Variants in RSAD2 observed in about 807,000 individuals in gnomAD.
The protein encoded by RSAD2 is S-adenosylmethionine-dependent nucleotide dehydratase RSAD2.
In RSAD2, 38 loss-of-function variants were observed where a neutral mutation model predicts 37.7. That is an observed-to-expected ratio of 1.01 (90% CI 0.78 to 1.32). The LOEUF is 1.32. Ranked by LOEUF, RSAD2 falls within the 40% of genes most tolerant of loss-of-function variation. The probability of loss-of-function intolerance (pLI) is 0.00; values close to 1 mark genes in which losing one functional copy is unlikely to be tolerated. For synonymous variants in RSAD2, 163 were observed against 157.4 expected, an observed-to-expected ratio of 1.04 and a Z score of -0.27; for missense variants, 428 against 437.5, an observed-to-expected ratio of 0.98 and a Z score of 0.19.
At chr2:6,873,549 A>C (rs1390866243), upstream of RSAD2, among the ~76,000 whole-genome samples, 1 of 152,092 alleles carries the variant, frequency 6.6e-6, no homozygotes, top group Non-Finnish European at 1.5e-5. Context: ...CCTTTGCTTC[A>C]TGTTGTTTTT....
chr2:6,869,130 T>C (rs1663160070), intron 1 of RSAD2, among the ~76,000 whole-genome samples: 1 of 152,118 alleles, frequency 6.6e-6, no homozygotes. Context: ...CACGTCCTGG[T>C]AGTTCACTGC....
chr2:6,885,865 G>A (rs367677938), intron 2 of RSAD2, among the ~76,000 whole-genome samples: 28 of 152,136 alleles, frequency 1.8e-4, no homozygotes, highest in Non-Finnish European at 3.1e-4. Context: ...ATTTATTTGA[G>A]ATCAATTTTT....
intron 1 of RSAD2, among the ~76,000 whole-genome samples, chr2:6,878,567 A>C (rs1663336078): frequency 6.6e-6 from 1 of 152,238 alleles, no homozygotes; most frequent in South Asian, 2.1e-4. Context: ...TGGAAACAAA[A>C]ACAAAAACTT....
rs892422002 is a variant in RSAD2 at position 6,885,341 on chromosome 2, G to A, written c.509-1594G>A. On this transcript the variant is annotated intron_variant, in intron 2 of 5. Coordinates refer to ENST00000382040, the MANE Select transcript of RSAD2 (RefSeq NM_080657.5). ...AGGGCTAGTCATTTATGCACATGCT[G>A]CTATGTAACCAGCTATTGGAACTGA... Among the ~76,000 whole-genome samples, 4 of 152,320 alleles carry A rather than the reference G, an allele frequency of 2.6e-5. No homozygotes were observed. In the South Asian group the frequency reaches 6.2e-4, roughly 24 times the overall value.
At position 6,884,131 on chromosome 2, in the gene RSAD2, C is replaced by T. The variant is rs951596643; in HGVS notation, c.508+599C>T. On this transcript the variant is annotated intron_variant, in intron 2 of 5. Transcript: ENST00000382040. ...TGTCATGTTGGGAAACAGGTATAATCTGTTACAGTACAATTCTCTGTTCTT... is the reference window on the plus strand; with the variant it reads ...TGTCATGTTGGGAAACAGGTATAATTTGTTACAGTACAATTCTCTGTTCTT... 2.6e-5 allele frequency among the ~76,000 whole-genome samples: 4 copies of T among 152,206 alleles called. No homozygotes were observed. The East Asian group carries it at 5.8e-4, about 22-fold the overall frequency.
At chr2:6,865,914 T>C in exon 1 of RSAD2, 2 of 1,403,144 alleles carry the variant, frequency 1.4e-6, no homozygotes, top group African/African-American at 1.5e-5. Flanking sequence ...ATGTGCGCGA[T>C]AAACGGCCGG....
rs1472866330 is a variant in RSAD2 at position 6,890,338 on chromosome 2, A to C, written c.888+13A>C. 4 of 1,613,178 alleles carry C rather than the reference A, an allele frequency of 2.5e-6. No individual in the cohort carries two copies. The highest frequency in any genetic ancestry group is 3.4e-6 in the Non-Finnish European group (4 of 1,179,446). ...ATCTAACCAGAAGGTTGTATAAAGC[A>C]AAAGTTGTTTTCTTTGTCATCATAC... On this transcript the variant is annotated intron_variant, in intron 4 of 5. Coordinates refer to ENST00000382040, the MANE Select transcript of RSAD2 (RefSeq NM_080657.5).
intron 5 of RSAD2, among the ~76,000 whole-genome samples, chr2:6,894,385 C>T (rs1018967466): frequency 3.0e-4 from 46 of 152,200 alleles, no homozygotes; most frequent in Non-Finnish European, 4.1e-4. Context: ...AAATGAGCTC[C>T]AACAACCTTG....
chr2:6,889,303 A>G (rs1329501435), intron 3 of RSAD2, among the ~76,000 whole-genome samples: 3 of 152,268 alleles, frequency 2.0e-5, no homozygotes, highest in East Asian at 1.9e-4. Context: ...GGAAGACACC[A>G]TGAAAGCAAA....
intron 4 of RSAD2, among the ~76,000 whole-genome samples, chr2:6,892,448 T>C (rs1663653184): frequency 6.6e-6 from 1 of 152,198 alleles, no homozygotes; most frequent in Non-Finnish European, 1.5e-5. Flanking sequence ...AGTACCTCCT[T>C]TGTAAGAGGG....
chr2:6,866,892 TAACA>T (rs1191577919), intron 1 of RSAD2, among the ~76,000 whole-genome samples: 2 of 152,160 alleles, frequency 1.3e-5, no homozygotes, highest in East Asian at 1.9e-4. Context: ...AAAAAAGTCT[TAACA>T]AACGTGAAAT....
chr2:6,883,476 G>A lies in RSAD2; in HGVS notation c.452G>A (p.Ser151Asn). The A allele has an allele frequency of 6.2e-7, 1 of 1,614,180 alleles. No individual in the cohort carries two copies. The highest frequency in any genetic ancestry group is 8.5e-7 in the Non-Finnish European group (1 of 1,180,040). Reference protein sequence around the residue: ...RFCKVELRLPSVSIVSNGSLI... With the variant: ...RFCKVELRLPNVSIVSNGSLI... Reference sequence around the variant, plus strand: ...TGCAAAGTAGAGTTGCGGCTGCCCAGCGTGAGCATCGTGAGCAATGGAAGC... The same window carrying A: ...TGCAAAGTAGAGTTGCGGCTGCCCAACGTGAGCATCGTGAGCAATGGAAGC... Residue 151 changes from serine to asparagine, a missense_variant, in exon 2 of 6, where the codon AGC becomes AAC. Ser to Asn is a conservative substitution (Grantham distance 46). Coordinates refer to ENST00000382040, the MANE Select transcript of RSAD2 (RefSeq NM_080657.5).
intron 5 of RSAD2, 109 bp from the exon 6 acceptor site, chr2:6,895,669 C>T: frequency 2.1e-5 from 21 of 991,886 alleles, no homozygotes; most frequent in Non-Finnish European, 2.9e-5. Flanking sequence ...CAAAAGATAC[C>T]TGTCGACATG....
At position 6,878,111 on chromosome 2, in the gene RSAD2, A is replaced by G. The variant is rs376664081; in HGVS notation, c.311A>G (p.Glu104Gly). The change falls in exon 1 of 6, where the codon GAA (glutamate) becomes GGA (glycine). Residue 104 changes from glutamate (E) to glycine (G), a missense_variant. Physicochemically the swap from Glu to Gly is moderately conservative, Grantham distance 98. Coordinates refer to ENST00000382040, the MANE Select transcript of RSAD2 (RefSeq NM_080657.5). ...ACATCCTTTGTGCTGCCCCTTGAGGAAGCAAAGAGAGGATTGCTTTTGCTT... is the reference window on the plus strand; with the variant it reads ...ACATCCTTTGTGCTGCCCCTTGAGGGAGCAAAGAGAGGATTGCTTTTGCTT... ...AKTSFVLPLE[E>G]AKRGLLLLKE... 1 of 1,614,114 alleles carries G rather than the reference A, an allele frequency of 6.2e-7. No homozygotes were observed. The highest frequency in any genetic ancestry group is 8.5e-7 in the Non-Finnish European group (1 of 1,180,008).
intron 2 of RSAD2, among the ~76,000 whole-genome samples, chr2:6,886,129 A>G (rs958303515): frequency 1.3e-5 from 2 of 152,224 alleles, no homozygotes; most frequent in Admixed American, 6.5e-5. Context: ...GAAAACTCAG[A>G]CTTAATCAAC....
intron 1 of RSAD2, among the ~76,000 whole-genome samples, chr2:6,869,922 T>C (rs561437379): frequency 6.6e-6 from 1 of 152,182 alleles, no homozygotes; most frequent in Non-Finnish European, 1.5e-5. Context: ...TTTCTAACTT[T>C]GGGGCTTGAA....
rs554485829 is a variant in RSAD2 at position 6,878,023 on chromosome 2, G to A, written c.223G>A (p.Val75Ile). The change falls in exon 1 of 6, where the codon GTC becomes ATC. Residue 75 changes from valine to isoleucine, a missense_variant. By Grantham distance (29) the Val-to-Ile change is conservative (BLOSUM62 3). Transcript: ENST00000382040. ...TCCTCTGCCCACCACCCCAACCAGC[G>A]TCAACTATCACTTCACTCGCCAGTG... ...DPPLPTTPTS[V>I]NYHFTRQCNY... The A allele has an allele frequency of 1.8e-4, 294 of 1,614,160 alleles. 3 individuals are homozygous for A. The South Asian group carries it at 3.0e-3, about 16-fold the overall frequency.
At chr2:6,878,216 C>A in intron 1 of RSAD2, 70 bp downstream of exon 1, 1 of 1,327,142 alleles carries the variant, frequency 7.5e-7, no homozygotes, top group Non-Finnish European at 1.0e-6. Flanking sequence ...CGAGAAGGGG[C>A]TGGGGGTATG....
upstream of RSAD2, among the ~76,000 whole-genome samples, chr2:6,875,884 C>T (rs375705841): frequency 1.3e-4 from 20 of 152,180 alleles, no homozygotes; most frequent in East Asian, 7.7e-4. Flanking sequence ...AAGGTTTTTC[C>T]GGTCCCAATT....
Sources: allele counts gnomAD v4.1 joint callset (sites outside exome capture counted in the v4.1 genomes callset), GRCh38; gene constraint gnomAD v4.1.1; transcripts MANE v1.5; gene names NCBI Gene and HGNC (gene_info 2026-07-23, HGNC 2026-07-21).